The following B9D1 variants were observed in gnomAD, a reference collection of about 807,000 sequenced individuals.
B9D1 encodes the protein B9 domain containing 1.
Under a neutral mutation model 26.1 loss-of-function variants are expected in B9D1, and 20 were observed. The ratio of observed to expected loss-of-function variants is 0.77; its 90% CI spans 0.54 to 1.12. B9D1 has a LOEUF of 1.12. Among genes scored for constraint, B9D1 ranks in the 50% most tolerant of loss-of-function variants. The probability of loss-of-function intolerance (pLI) is 0.00; values close to 1 mark genes in which losing one functional copy is unlikely to be tolerated. For missense variants in B9D1, 260 were observed against 273.7 expected (o/e 0.95, Z 0.35); for synonymous variants, 105 against 103.1 (o/e 1.02, Z -0.11).
At chr17:19,335,593 G>GCAA (rs1376121255), downstream of B9D1, 2 of 929,894 alleles carry the variant, frequency 2.2e-6, no homozygotes, top group African/African-American at 3.3e-5. Context: ...GGGTCCCTGG[G>GCAA]CAACAGTCCC....
intron 6 of B9D1, 59 bp from the exon 7 acceptor site, chr17:19,343,520 G>A: frequency 6.2e-7 from 1 of 1,611,494 alleles, no homozygotes; most frequent in Non-Finnish European, 8.5e-7. Flanking sequence ...GACCCAGGTT[G>A]ATCTGGGAAT....
At position 19,368,137 on chromosome 17, in the gene B9D1, G is replaced by A. The variant is rs1224044790; in HGVS notation, c.-297-7749C>T. Among the ~76,000 whole-genome samples, 6 of 152,348 alleles carry A rather than the reference G, an allele frequency of 3.9e-5. 1 individual carries two copies. In the East Asian group the frequency reaches 1.2e-3, roughly 29 times the overall value. ...CTGAGGCAGAGCCCGAGGTGGGATA[G>A]AGGGCTCTCAGTTTCCATTATCAGC... On this transcript the variant is annotated intron_variant, in intron 1 of 5. Coordinates refer to the B9D1 transcript ENST00000477478.
upstream of B9D1, among the ~76,000 whole-genome samples, chr17:19,364,114 A>T (rs897973474): frequency 1.3e-5 from 2 of 152,184 alleles, no homozygotes; most frequent in Non-Finnish European, 1.5e-5. The surrounding 1 kb of genome is among the most constrained non-coding windows in gnomAD (Gnocchi z 4.3). Flanking sequence ...TGTTGCACAC[A>T]AGTTAGTTTT....
chr17:19,343,020 C>T, downstream of B9D1: 1 of 1,208,266 alleles, frequency 8.3e-7, no homozygotes, highest in South Asian at 2.0e-5. Context: ...ATCCCACATG[C>T]CATCCTGCTG....
At chr17:19,342,705 G>GCCTCCCACCTCTGAGAGGTTTCCAGCCC (rs1214580937), downstream of B9D1, among the ~76,000 whole-genome samples, 3 of 152,124 alleles carry the variant, frequency 2.0e-5, no homozygotes, top group African/African-American at 7.2e-5. Flanking sequence ...CCAGCCAGCG[G>GCCTCCCACCTCTGAGAGGTTTCCAGCCC]CCTCCCACCT....
At chr17:19,343,060 G>A (rs1908158670), downstream of B9D1, 6 of 1,377,652 alleles carry the variant, frequency 4.4e-6, no homozygotes, top group Non-Finnish European at 5.6e-6. Context: ...AGCTTCCACG[G>A]CACAAGGGGT....
At chr17:19,365,609 C>G (rs1264996267), upstream of B9D1, among the ~76,000 whole-genome samples, 1 of 152,196 alleles carries the variant, frequency 6.6e-6, no homozygotes, top group Non-Finnish European at 1.5e-5. This position sits in a 1 kb window ranked among gnomAD's most constrained non-coding sequence, Gnocchi z 5.0. Context: ...GCTCCGGGTC[C>G]CAGGGCCTTG....
chr17:19,365,815 T>C (rs1466382314), upstream of B9D1, among the ~76,000 whole-genome samples: 1 of 152,144 alleles, frequency 6.6e-6, no homozygotes, highest in Non-Finnish European at 1.5e-5. This position sits in a 1 kb window ranked among gnomAD's most constrained non-coding sequence, Gnocchi z 5.0. Context: ...TGTGATAATA[T>C]ATGTCAAAGT....
chr17:19,374,598 T>C (rs1295956279), intron 1 of B9D1, among the ~76,000 whole-genome samples: 1 of 152,264 alleles, frequency 6.6e-6, no homozygotes, highest in Non-Finnish European at 1.5e-5. Context: ...AGAAAATTTA[T>C]TGCAGCATTG....
At chr17:19,361,857 T>A (rs1173507354) in intron 1 of B9D1, among the ~76,000 whole-genome samples, 1 of 152,176 alleles carries the variant, frequency 6.6e-6, no homozygotes, top group Non-Finnish European at 1.5e-5. Context: ...TTGGTATATT[T>A]CCCCAGCTGT....
chr17:19,371,679 G>A (rs1911898195), intron 1 of B9D1: 1 of 152,252 alleles, frequency 6.6e-6, no homozygotes. Flanking sequence ...CTGTTAAACT[G>A]GCCTCCCTTC....
intron 3 of B9D1, 139 bp from the exon 4 acceptor site, chr17:19,348,019 G>A: frequency 1.3e-6 from 1 of 747,036 alleles, no homozygotes; most frequent in East Asian, 2.7e-5. Context: ...GAGGGGACAG[G>A]AGCAGGCATG....
chr17:19,368,977 A>C (rs1201938132), intron 1 of B9D1, among the ~76,000 whole-genome samples: 1 of 152,218 alleles, frequency 6.6e-6, no homozygotes, highest in Non-Finnish European at 1.5e-5. Flanking sequence ...ACTGGATGTT[A>C]CTGAGTATAA....
chr17:19,345,851 C>G (rs1273935501), intron 5 of B9D1, among the ~76,000 whole-genome samples: 2 of 152,154 alleles, frequency 1.3e-5, no homozygotes, highest in Non-Finnish European at 2.9e-5. Context: ...TGGGGATGAC[C>G]GAGGTGTCAG....
At chr17:19,367,308 C>CTTTT (rs35898862), upstream of B9D1, among the ~76,000 whole-genome samples, 10 of 121,488 alleles carry the variant, frequency 8.2e-5, no homozygotes, top group East Asian at 2.4e-4. Flanking sequence ...TAAAATCAAT[C>CTTTT]TTTTTTTTTT....
intron 1 of B9D1, among the ~76,000 whole-genome samples, chr17:19,361,923 G>A (rs1911125709): frequency 1.3e-5 from 2 of 152,176 alleles, no homozygotes; most frequent in South Asian, 2.1e-4. Context: ...GGACCAGTGC[G>A]GAGCACCGAC....
upstream of B9D1, among the ~76,000 whole-genome samples, chr17:19,363,968 C>T (rs1911434588): frequency 6.6e-6 from 1 of 152,182 alleles, no homozygotes; most frequent in Admixed American, 6.5e-5. Context: ...AGACAGGGCC[C>T]ATTTCCCCTC....
chr17:19,362,157 A>AAATGCTGGAAACTCGGCCAAGCCTCGGC (rs1911167125), intron 1 of B9D1, among the ~76,000 whole-genome samples: 1 of 152,192 alleles, frequency 6.6e-6, no homozygotes, highest in Non-Finnish European at 1.5e-5. Context: ...GACACAGCGC[A>AAATGCTGGAAACTCGGCCAAGCCTCGGC]AATGCTGGAA....
intron 3 of B9D1, among the ~76,000 whole-genome samples, chr17:19,356,883 C>A (rs1427268760): frequency 6.6e-6 from 1 of 152,198 alleles, no homozygotes; most frequent in East Asian, 1.9e-4. Context: ...TCGTCCAGTA[C>A]CTACAGTACC....
Sources: allele counts gnomAD v4.1 joint callset (sites outside exome capture counted in the v4.1 genomes callset), GRCh38; gene constraint gnomAD v4.1.1; non-coding constraint Gnocchi (gnomAD v3.1); transcripts MANE v1.5; gene names NCBI Gene and HGNC (gene_info 2026-07-23, HGNC 2026-07-21).